SMG6: variants seen among roughly 807,000 people sequenced by gnomAD.
The protein encoded by SMG6 is SMG6 nonsense mediated mRNA decay factor, also known as telomerase-binding protein EST1A.
In SMG6, 66 loss-of-function variants were observed where a neutral mutation model predicts 142.2. The observed-to-expected ratio is 0.46, with a 90% CI of 0.38 to 0.57. The LOEUF (loss-of-function observed/expected upper bound fraction) is 0.57. Among genes scored for constraint, SMG6 ranks in the 20% least tolerant of loss-of-function variants. SMG6 has a pLI of 0.00. For missense variants in SMG6, 1,793 were observed against 1,832.0 expected (o/e 0.98, Z 0.39); for synonymous variants, 779 against 702.4 (o/e 1.11, Z -1.72).
At chr17:2,128,129 A>G (rs1597434552) in intron 13 of SMG6, among the ~76,000 whole-genome samples, 1 of 152,222 alleles carries the variant, frequency 6.6e-6, no homozygotes, top group South Asian at 2.1e-4. Context: ...GGGCGCTGGC[A>G]GCAGCAGCGA....
At chr17:2,222,644 G>A (rs1353115547) in intron 10 of SMG6, among the ~76,000 whole-genome samples, 2 of 148,808 alleles carry the variant, frequency 1.3e-5, no homozygotes, top group South Asian at 2.1e-4. Flanking sequence ...AGTCAGTGAA[G>A]GATTTTGAAC....
intron 10 of SMG6, among the ~76,000 whole-genome samples, 200 bp downstream of exon 10, chr17:2,236,292 C>T (rs1024233588): frequency 2.0e-5 from 3 of 151,950 alleles, no homozygotes; most frequent in African/African-American, 7.3e-5. Context: ...CTCCTTCCAT[C>T]CCACCCAAGC....
At chr17:2,099,927 A>G (rs1308778732) in intron 13 of SMG6, among the ~76,000 whole-genome samples, 2 of 151,962 alleles carry the variant, frequency 1.3e-5, no homozygotes, top group Non-Finnish European at 2.9e-5. Flanking sequence ...CAGTGGTGAG[A>G]TTTCCGCTCA....
At chr17:2,244,972 G>A in intron 8 of SMG6, 1 of 524,174 alleles carries the variant, frequency 1.9e-6, no homozygotes, top group Non-Finnish European at 3.4e-6. Context: ...CCTGTGTGCA[G>A]GGGATGAGGC....
At chr17:2,104,862 C>T (rs1406616634) in intron 13 of SMG6, among the ~76,000 whole-genome samples, 1 of 151,962 alleles carries the variant, frequency 6.6e-6, no homozygotes, top group African/African-American at 2.4e-5. Context: ...ATAATATGGC[C>T]TCTTATGAAG....
chr17:2,279,152 G>A (rs1335816353), intron 8 of SMG6, among the ~76,000 whole-genome samples: 2 of 152,210 alleles, frequency 1.3e-5, no homozygotes, highest in Non-Finnish European at 2.9e-5. Context: ...TTGAAAACGT[G>A]ACATTTAGGC....
intron 13 of SMG6, among the ~76,000 whole-genome samples, chr17:2,091,375 G>C (rs1050497563): frequency 6.6e-6 from 1 of 152,108 alleles, no homozygotes; most frequent in Admixed American, 6.5e-5. Context: ...CAGTAGCTTA[G>C]GATGGGGAGA....
chr17:2,242,750 T>C (rs1208969920), intron 9 of SMG6, among the ~76,000 whole-genome samples: 4 of 147,370 alleles, frequency 2.7e-5, no homozygotes, highest in African/African-American at 1.0e-4. Context: ...CCATCAACTG[T>C]CACTTTAAGT....
At chr17:2,162,920 C>T (rs1407982662) in intron 13 of SMG6, among the ~76,000 whole-genome samples, 2 of 152,128 alleles carry the variant, frequency 1.3e-5, no homozygotes, top group African/African-American at 4.8e-5. Context: ...CAACCTCTGC[C>T]TCCTTGGTTC....
At chr17:2,197,138 T>C (rs2072355493) in intron 10 of SMG6, among the ~76,000 whole-genome samples, 1 of 152,140 alleles carries the variant, frequency 6.6e-6, no homozygotes, top group African/African-American at 2.4e-5. Context: ...ATATACTGGA[T>C]TTCATAAAAA....
At chr17:2,067,719 C>CAACATTCTCAGGTGGTGCT (rs2067990870) in intron 16 of SMG6, among the ~76,000 whole-genome samples, 1 of 152,138 alleles carries the variant, frequency 6.6e-6, no homozygotes, top group African/African-American at 2.4e-5. Context: ...GCTTCGGTGC[C>CAACATTCTCAGGTGGTGCT]AACATTCTCA....
chr17:2,112,092 C>G (rs546843961), intron 13 of SMG6, among the ~76,000 whole-genome samples: 1 of 152,176 alleles, frequency 6.6e-6, no homozygotes, highest in South Asian at 2.1e-4. Flanking sequence ...ATCCCCTCCC[C>G]CTCCGTACTG....
At chr17:2,062,141 T>TGAGGA (rs2067799455) in intron 18 of SMG6, 1 of 154,656 alleles carries the variant, frequency 6.5e-6, no homozygotes, top group African/African-American at 2.4e-5. Flanking sequence ...AAGGGAGCCC[T>TGAGGA]GAGGAGAGGA....
chr17:2,187,550 T>C (rs1266484750), intron 11 of SMG6, among the ~76,000 whole-genome samples: 1 of 152,126 alleles, frequency 6.6e-6, no homozygotes, highest in African/African-American at 2.4e-5. Flanking sequence ...ACTCTGTAAC[T>C]TAAAAATCAA....
rs1489522291 is a variant in SMG6, at chr17:2,068,208, C to T, written c.3835+570G>A. Among the ~76,000 whole-genome samples the T allele has an allele frequency of 1.3e-5, 2 of 152,194 alleles. No homozygotes were observed. The highest frequency in any genetic ancestry group is 4.8e-5 in the African/African-American group (2 of 41,458). On this transcript the variant is annotated intron_variant, in intron 16 of 18. Coordinates refer to ENST00000263073, the MANE Select transcript of SMG6 (RefSeq NM_017575.5). The surrounding 1 kb of genome is among the most constrained non-coding windows in gnomAD (Gnocchi z 6.7). ...TGCTGACCCTGCACCAGCACCAAGG[C>T]CCAGACAGTGGTAAGGGCCCAAGTG...
intron 8 of SMG6, among the ~76,000 whole-genome samples, chr17:2,246,761 C>T (rs181182180): frequency 1.1e-3 from 165 of 152,194 alleles, no homozygotes; most frequent in African/African-American, 3.7e-3. Context: ...GCCTGGCCAA[C>T]ACGGTGAAAC....
intron 13 of SMG6, among the ~76,000 whole-genome samples, chr17:2,136,204 G>A (rs1307192442): frequency 2.0e-5 from 3 of 151,918 alleles, no homozygotes; most frequent in Admixed American, 1.3e-4. Context: ...TGGGATTACA[G>A]GCATGCACAC....
intron 13 of SMG6, among the ~76,000 whole-genome samples, chr17:2,094,312 G>A (rs1369780095): frequency 1.3e-5 from 2 of 152,018 alleles, no homozygotes; most frequent in African/African-American, 2.4e-5. Context: ...GTGCAGTGGC[G>A]AGATATCAGC....
intron 13 of SMG6, among the ~76,000 whole-genome samples, chr17:2,099,625 C>T (rs997293402): frequency 2.6e-5 from 4 of 152,072 alleles, no homozygotes; most frequent in South Asian, 2.1e-4. Flanking sequence ...TTTCTGGAGT[C>T]CTGAATCACA....
Sources: gnomAD v4.1 joint callset for allele counts (sites outside exome capture counted in the v4.1 genomes callset) on GRCh38, gnomAD v4.1.1 for gene constraint, Gnocchi (gnomAD v3.1) non-coding constraint, MANE v1.5 for transcripts, NCBI Gene and HGNC (gene_info 2026-07-23, HGNC 2026-07-21) for gene names.